BLTP3A: variants seen among roughly 807,000 people sequenced by gnomAD.
BLTP3A encodes bridge-like lipid transfer protein family member 3A, also known as ICBP90 binding protein 1.
chr6:34,829,105 A>G, the BLTP3A span, among the ~76,000 whole-genome samples: 1 of 152,022 alleles, frequency 6.6e-6, no homozygotes, highest in Admixed American at 6.6e-5. Flanking sequence ...ACTTTATTGA[A>G]ATATAATTCA....
chr6:34,811,674 A>G, the BLTP3A span, among the ~76,000 whole-genome samples: 24 of 75,614 alleles, frequency 3.2e-4, no homozygotes, highest in East Asian at 4.9e-4. Flanking sequence ...ACATGGTGAG[A>G]CCCCCCCCCC....
the BLTP3A span, among the ~76,000 whole-genome samples, chr6:34,798,594 C>T: frequency 1.1e-3 from 107 of 94,390 alleles, no homozygotes; most frequent in Non-Finnish European, 1.3e-3. Context: ...TTCTTTCTTT[C>T]TTTTTTTTTT....
At chr6:34,816,753 T>C in the BLTP3A span, among the ~76,000 whole-genome samples, 9 of 152,184 alleles carry the variant, frequency 5.9e-5, no homozygotes, top group Non-Finnish European at 1.2e-4. Flanking sequence ...CTACAAGAAT[T>C]CTCAGCTGGG....
chr6:34,868,985 C>T, the BLTP3A span, among the ~76,000 whole-genome samples: 1 of 151,924 alleles, frequency 6.6e-6, no homozygotes, highest in African/African-American at 2.4e-5. Context: ...CCCATTTACT[C>T]ACCACCTAGT....
the BLTP3A span, chr6:34,864,113 T>C: frequency 6.2e-7 from 1 of 1,614,002 alleles, no homozygotes; most frequent in South Asian, 1.1e-5. Flanking sequence ...CATTTGATGG[T>C]GTCTCATTGG....
chr6:34,865,305 G>A, the BLTP3A span, among the ~76,000 whole-genome samples: 15 of 152,058 alleles, frequency 9.9e-5, no homozygotes, highest in Non-Finnish European at 1.8e-4. Context: ...GTCTTTCAGT[G>A]CCTGGCTTAT....
At chr6:34,816,563 T>A in the BLTP3A span, among the ~76,000 whole-genome samples, 1 of 152,130 alleles carries the variant, frequency 6.6e-6, no homozygotes, top group African/African-American at 2.4e-5. Flanking sequence ...CAGTGAGCCG[T>A]GATCACGCCA....
At chr6:34,826,657 T>C in the BLTP3A span, among the ~76,000 whole-genome samples, 67,902 of 152,060 alleles carry the variant, frequency 0.45, 17,205 homozygotes, top group African/African-American at 0.7. Flanking sequence ...TGTGCCTGGC[T>C]TTACATCGTA....
the BLTP3A span, among the ~76,000 whole-genome samples, chr6:34,865,561 G>T: frequency 6.6e-6 from 1 of 152,168 alleles, no homozygotes; most frequent in Non-Finnish European, 1.5e-5. Context: ...TATATACCCA[G>T]AAGTGGATAT....
chr6:34,795,405 T>G, the BLTP3A span, among the ~76,000 whole-genome samples: 1 of 142,662 alleles, frequency 7.0e-6, no homozygotes, highest in South Asian at 2.3e-4. Flanking sequence ...TTGTTTTTTG[T>G]TTTTTTTTTT....
chr6:34,872,552 C>A, the BLTP3A span: 1 of 1,326,378 alleles, frequency 7.5e-7, no homozygotes, highest in Non-Finnish European at 1.0e-6. Flanking sequence ...GCCAGAGGGA[C>A]TGGGGAGCAC....
the BLTP3A span, among the ~76,000 whole-genome samples, chr6:34,869,265 G>T: frequency 6.6e-6 from 1 of 152,022 alleles, no homozygotes; most frequent in Non-Finnish European, 1.5e-5. Flanking sequence ...GCCTCCCAAA[G>T]TGCTGGAATT....
chr6:34,825,855 T>C, the BLTP3A span, among the ~76,000 whole-genome samples: 1 of 152,180 alleles, frequency 6.6e-6, no homozygotes, highest in African/African-American at 2.4e-5. Context: ...TTGACTATTA[T>C]GAATAATGCT....
At chr6:34,815,616 G>T in the BLTP3A span, among the ~76,000 whole-genome samples, 1 of 152,094 alleles carries the variant, frequency 6.6e-6, no homozygotes, top group South Asian at 2.1e-4. Context: ...TCCAGCCTAT[G>T]GGGCAAAAAT....
the BLTP3A span, among the ~76,000 whole-genome samples, chr6:34,868,014 T>C: frequency 4.6e-5 from 7 of 152,156 alleles, no homozygotes; most frequent in Non-Finnish European, 8.8e-5. Flanking sequence ...CATACTTCAT[T>C]TAAAAATTAT....
chr6:34,827,327 AC>A, the BLTP3A span, among the ~76,000 whole-genome samples: 68 of 152,180 alleles, frequency 4.5e-4, no homozygotes, highest in African/African-American at 1.2e-3. Flanking sequence ...AAGAAAAAAA[AC>A]AAAACAAAGA....
At chr6:34,795,441 A>C in the BLTP3A span, among the ~76,000 whole-genome samples, 1 of 148,996 alleles carries the variant, frequency 6.7e-6, no homozygotes, top group African/African-American at 2.5e-5. Flanking sequence ...TCTGTCGCCC[A>C]AGCTGGGGTG....
chr6:34,857,837 T>G, the BLTP3A span: 2 of 1,614,124 alleles, frequency 1.2e-6, no homozygotes, highest in Non-Finnish European at 1.7e-6. Context: ...CTTGGAGCAG[T>G]TCAAAGCTAT....
chr6:34,845,843 A>T, the BLTP3A span, among the ~76,000 whole-genome samples: 1,289 of 151,974 alleles, frequency 8.5e-3, 19 homozygotes, highest in African/African-American at 0.027. Flanking sequence ...GTGATCCACC[A>T]GCCTCGGCCT....
Sources: allele counts gnomAD v4.1 joint callset (sites outside exome capture counted in the v4.1 genomes callset), GRCh38; gene constraint gnomAD v4.1.1; transcripts MANE v1.5; gene names NCBI Gene and HGNC (gene_info 2026-07-23, HGNC 2026-07-21).